The following PRKACB variants were observed in gnomAD, a reference collection of about 807,000 sequenced individuals.
The protein encoded by PRKACB is cAMP-dependent protein kinase catalytic subunit beta.
A neutral mutation model predicts 51.4 loss-of-function variants in PRKACB; 16 were observed. The observed-to-expected ratio is 0.31, with a 90% CI of 0.21 to 0.47. PRKACB has a LOEUF of 0.47. Ranked by LOEUF, PRKACB falls within the 20% of genes least tolerant of loss-of-function variation. The pLI is 1.00. For synonymous variants in PRKACB, 147 were observed against 154.4 expected (o/e 0.95, Z 0.35); for missense variants, 309 against 464.5 (o/e 0.67, Z 3.08).
chr1:84,180,867 G>A lies in PRKACB; in HGVS notation c.250-1333G>A, dbSNP rs1191443392. 2.0e-5 allele frequency among the ~76,000 whole-genome samples: 3 copies of A among 151,904 alleles called. No homozygotes were observed. The East Asian group carries it at 5.8e-4, about 29-fold the overall frequency. On this transcript the variant is annotated intron_variant, in intron 2 of 9. Coordinates refer to ENST00000370685, the MANE Select transcript of PRKACB (RefSeq NM_182948.4). ...AGAAAAGCAATGAAAAAAGCATAAA[G>A]AGCAGAAACACATATTCTGTTGTCT...
At chr1:84,123,068 T>C (rs1267112752) in intron 1 of PRKACB, among the ~76,000 whole-genome samples, 9 of 152,118 alleles carry the variant, frequency 5.9e-5, no homozygotes, top group Admixed American at 5.2e-4. Flanking sequence ...CAGCAGACCA[T>C]ATATTTGGGG....
intron 7 of PRKACB, 135 bp from the exon 8 acceptor site, chr1:84,202,548 C>A: frequency 1.3e-6 from 1 of 749,572 alleles, no homozygotes. Flanking sequence ...TTTTTAAATT[C>A]TGTCCTGAAT....
intron 1 of PRKACB, among the ~76,000 whole-genome samples, chr1:84,104,867 A>T (rs1649610345): frequency 6.6e-6 from 1 of 152,086 alleles, no homozygotes; most frequent in African/African-American, 2.4e-5. Flanking sequence ...TTTTCCATGG[A>T]ATAGAAGTTT....
intron 1 of PRKACB, chr1:84,165,093 A>C: frequency 8.7e-7 from 1 of 1,151,526 alleles, no homozygotes; most frequent in Non-Finnish European, 1.2e-6. Context: ...TTAAAGGGAC[A>C]GTTATAAAGC....
chr1:84,175,090 C>G, intron 1 of PRKACB: 1 of 1,394,338 alleles, frequency 7.2e-7, no homozygotes, highest in Non-Finnish European at 9.3e-7. Context: ...ACAAATATTA[C>G]CTTTAAAATT....
At chr1:84,223,786 A>G (rs1287422743) in intron 9 of PRKACB, among the ~76,000 whole-genome samples, 2 of 151,966 alleles carry the variant, frequency 1.3e-5, no homozygotes, top group Non-Finnish European at 2.9e-5. Flanking sequence ...GAGCTTCTTT[A>G]ATATCATTAG....
chr1:84,179,299 T>G, intron 2 of PRKACB, 61 bp downstream of exon 2: 2 of 1,461,656 alleles, frequency 1.4e-6, no homozygotes, highest in Non-Finnish European at 1.8e-6. Context: ...TCAGGATTCT[T>G]GCCTAAGAAA....
intron 8 of PRKACB, among the ~76,000 whole-genome samples, chr1:84,209,370 A>G (rs969871998): frequency 2.0e-5 from 3 of 150,310 alleles, no homozygotes; most frequent in African/African-American, 4.9e-5. Context: ...TCTTTCCTAC[A>G]CTCCACCCAC....
chr1:84,105,520 A>G (rs1649667892), intron 1 of PRKACB, among the ~76,000 whole-genome samples: 1 of 151,996 alleles, frequency 6.6e-6, no homozygotes, highest in South Asian at 2.1e-4. Context: ...GAATCCTAGC[A>G]TTTACAGATA....
chr1:84,191,143 G>A (rs1666666901), intron 5 of PRKACB, among the ~76,000 whole-genome samples: 1 of 152,054 alleles, frequency 6.6e-6, no homozygotes, highest in Non-Finnish European at 1.5e-5. Context: ...GTGTGTTTTT[G>A]TGGTAGCAGA....
intron 3 of PRKACB, among the ~76,000 whole-genome samples, chr1:84,183,190 A>G (rs1664072031): frequency 1.3e-5 from 2 of 152,026 alleles, no homozygotes; most frequent in African/African-American, 4.8e-5. Flanking sequence ...GCCACCTTCT[A>G]ATGATTTACA....
chr1:84,174,440 T>G (rs890717645), intron 1 of PRKACB, among the ~76,000 whole-genome samples: 1 of 151,852 alleles, frequency 6.6e-6, no homozygotes, highest in African/African-American at 2.4e-5. Context: ...TTTGTCCCAT[T>G]CCATTATGAT....
chr1:84,098,989 C>G (rs1159311523), intron 1 of PRKACB, among the ~76,000 whole-genome samples: 1 of 151,940 alleles, frequency 6.6e-6, no homozygotes, highest in Admixed American at 6.6e-5. Context: ...AAAGATAGAA[C>G]ATGGTTAGAG....
chr1:84,120,169 T>TAAATTCATATTTCTTGAAGAGTACTTCC (rs1650945560), intron 1 of PRKACB, among the ~76,000 whole-genome samples: 2 of 152,158 alleles, frequency 1.3e-5, no homozygotes, highest in African/African-American at 4.8e-5. Context: ...AGAGTACTTC[T>TAAATTCATATTTCTTGAAGAGTACTTCC]AAATTCATAT....
At chr1:84,123,946 TGAAGACTGGAAATGCATAG>T (rs1300917288) in intron 1 of PRKACB, among the ~76,000 whole-genome samples, 1 of 152,152 alleles carries the variant, frequency 6.6e-6, no homozygotes, top group Admixed American at 6.5e-5. Flanking sequence ...AGAGAGAAAT[TGAAGACTGGAAATGCATAG>T]CTCCCTAAAG....
At chr1:84,125,247 C>T (rs1255278739) in intron 1 of PRKACB, among the ~76,000 whole-genome samples, 2 of 152,154 alleles carry the variant, frequency 1.3e-5, no homozygotes, top group Non-Finnish European at 2.9e-5. Context: ...TCCCTTAGCT[C>T]TTAGAGCCCT....
At chr1:84,079,124 G>A (rs1165847307) in intron 1 of PRKACB, among the ~76,000 whole-genome samples, 2 of 150,848 alleles carry the variant, frequency 1.3e-5, no homozygotes, top group African/African-American at 4.9e-5. Context: ...CATGAAAATG[G>A]AATTTCTGTA....
chr1:84,121,255 G>T (rs2100885440), intron 1 of PRKACB, among the ~76,000 whole-genome samples: 1 of 150,832 alleles, frequency 6.6e-6, no homozygotes, highest in Admixed American at 6.6e-5. Context: ...CATTTTTATT[G>T]ATTTTATGTC....
intron 9 of PRKACB, among the ~76,000 whole-genome samples, chr1:84,223,913 T>TA (rs1477897112): frequency 6.6e-6 from 1 of 152,232 alleles, no homozygotes; most frequent in African/African-American, 2.4e-5. Flanking sequence ...CTTGTATACT[T>TA]ACATTGACAT....
Sources: gnomAD v4.1 joint callset for allele counts (sites outside exome capture counted in the v4.1 genomes callset) on GRCh38, gnomAD v4.1.1 for gene constraint, MANE v1.5 for transcripts, NCBI Gene and HGNC (gene_info 2026-07-23, HGNC 2026-07-21) for gene names.